Variants in OR5B3 observed in about 807,000 individuals in gnomAD.
The protein encoded by OR5B3 is olfactory receptor 5B3.
For synonymous variants in OR5B3, 150 were observed against 135.0 expected (o/e 1.11, Z -0.77); for missense variants, 430 against 375.4 (o/e 1.15, Z -1.20).
At chr11:58,404,429 A>T (rs1855075522) in intron 1 of OR5B3, among the ~76,000 whole-genome samples, 1 of 123,648 alleles carries the variant, frequency 8.1e-6, no homozygotes, top group Non-Finnish European at 1.8e-5. Flanking sequence ...TTATTATTAG[A>T]TAGGTGATAA....
chr11:58,402,731 G>C lies in OR5B3; in HGVS notation c.679C>G (p.His227Asp). The change falls in exon 2 of 2, where the codon CAC (histidine) becomes GAC (aspartate). Residue 227 changes from histidine to aspartate, a missense_variant. Coordinates refer to ENST00000641865, the MANE Select transcript of OR5B3 (RefSeq NM_001005469.2). ...TFIFITILKM[H>D]SASVYQKPLS... is the part of the protein sequence containing the mutation. ...GGCTTCTGGTATACTGAAGCTGAGTGCATCTTTAGGATGGTGATAAAAATG... is the reference window on the plus strand; with the variant it reads ...GGCTTCTGGTATACTGAAGCTGAGTCCATCTTTAGGATGGTGATAAAAATG... The C allele has an allele frequency of 4.3e-6, 7 of 1,613,824 alleles. No homozygotes were observed. Among genetic ancestry groups the C allele is most frequent in the Non-Finnish European group, 5.9e-6 (7 of 1,179,862 alleles).
Position 58,403,329 on chromosome 11 carries a change from TATA to T in OR5B3, c.78_80del (p.Phe26_Ile27delinsLeu). On this transcript the variant is annotated inframe_deletion, in exon 2 of 2. Coordinates refer to ENST00000641865, the MANE Select transcript of OR5B3 (RefSeq NM_001005469.2). ...TGATAATATAGATGAAGGGGAACGT[TATA>T]AAGAGGGGAACCTGCAGTTCTGAGT... 6.2e-7 allele frequency: 1 copy of T among 1,612,736 alleles called. No homozygotes were observed. Among genetic ancestry groups the T allele is most frequent in the African/African-American group, 1.3e-5 (1 of 74,986 alleles).
Position 58,402,632 on chromosome 11 carries a change from G to A in OR5B3, c.778C>T (p.Pro260Ser). The A allele has an allele frequency of 6.2e-7, 1 of 1,613,988 alleles. No homozygotes were observed. The highest frequency in any genetic ancestry group is 8.5e-7 in the Non-Finnish European group (1 of 1,179,942). Residue 260 changes from proline (P) to serine (S), a missense_variant, in exon 2 of 2, where the codon CCC becomes TCC. Coordinates refer to ENST00000641865, the MANE Select transcript of OR5B3 (RefSeq NM_001005469.2). ...YGTIIFMYLQ[P>S]SSSHSMDTDK... ...GTGTCCATGGAGTGACTGGAGCTGG[G>A]TTGTAAGTACATGAAGATAATAGTC...
chr11:58,402,995 A>G lies in OR5B3; in HGVS notation c.415T>C (p.Cys139Arg), dbSNP rs978147492. ...HYTTTMTTTVCARLAIGSYLC... is the reference protein window; with the variant it reads ...HYTTTMTTTVRARLAIGSYLC... ...TAGGAGCCTATGGCCAGACGAGCAC[A>G]CACAGTTGTTGTCATGGTTGTGGTG... The change falls in exon 2 of 2, where the codon TGT (cysteine) becomes CGT (arginine). Residue 139 changes from cysteine to arginine, a missense_variant. Transcript: ENST00000641865. 3.1e-6 allele frequency: 5 copies of G among 1,613,950 alleles called. No individual in the cohort carries two copies. In the African/African-American group the frequency reaches 5.3e-5, roughly 17 times the overall value.
chr11:58,403,032 T>G lies in OR5B3; in HGVS notation c.378A>C (p.Lys126Asn). 1 of 1,613,674 alleles carries G rather than the reference T, an allele frequency of 6.2e-7. No homozygotes were observed. The highest frequency in any genetic ancestry group is 8.5e-7 in the Non-Finnish European group (1 of 1,179,874). ...TCATGGTTGTGGTGTAATGTAGGGGTTTGCACACTGCTGCATAGCGGTCAT... is the reference window on the plus strand; with the variant it reads ...TCATGGTTGTGGTGTAATGTAGGGGGTTGCACACTGCTGCATAGCGGTCAT... ...MAYDRYAAVC[K>N]PLHYTTTMTT... The change falls in exon 2 of 2, where the codon AAA becomes AAC. Residue 126 changes from lysine (K) to asparagine (N), a missense_variant. Physicochemically the swap from Lys to Asn is moderately conservative, Grantham distance 94. Coordinates refer to ENST00000641865, the MANE Select transcript of OR5B3 (RefSeq NM_001005469.2).
At chr11:58,403,497 A>G (rs1253820134) in intron 1 of OR5B3, 62 bp from the exon 2 acceptor site, 2 of 739,916 alleles carry the variant, frequency 2.7e-6, no homozygotes, top group Non-Finnish European at 4.4e-6. Context: ...GAAAAGTATA[A>G]GTACAATATG....
In OR5B3 at chr11:58,406,788, T is replaced by C. The variant is rs1855105697; in HGVS notation, c.-27+13A>G. On this transcript the variant is annotated intron_variant, in intron 1 of 1. Coordinates refer to ENST00000641865, the MANE Select transcript of OR5B3 (RefSeq NM_001005469.2). ...ACTTGTCTCTAAAATGTTTCTTAGA[T>C]ATAGAAGCTTACCTTACAGCTGGAT... 1 of 152,212 alleles carries C rather than the reference T, an allele frequency of 6.6e-6. No homozygotes were observed. Among genetic ancestry groups the C allele is most frequent in the Non-Finnish European group, 1.5e-5 (1 of 68,034 alleles). The allele number at this position is 152,212 out of a possible 1,614,324, so 9.4% of individuals were successfully genotyped here. A position where few individuals can be genotyped will look rare whatever the true frequency, so the allele number is the denominator to read the frequency against.
intron 1 of OR5B3, among the ~76,000 whole-genome samples, chr11:58,405,554 A>C (rs1417575731): frequency 6.6e-6 from 1 of 152,146 alleles, no homozygotes; most frequent in Non-Finnish European, 1.5e-5. Context: ...CGATGAAACC[A>C]CATGGACACA....
At chr11:58,406,451 TG>T (rs1186752115) in intron 1 of OR5B3, among the ~76,000 whole-genome samples, 2 of 152,042 alleles carry the variant, frequency 1.3e-5, no homozygotes, top group Non-Finnish European at 2.9e-5. Context: ...AACACCTTTT[TG>T]TAGTTTAAAG....
rs1227280897 is a variant in OR5B3, at chr11:58,402,469, A to G, written c.941T>C (p.Val314Ala). 1.3e-6 allele frequency: 2 copies of G among 1,584,990 alleles called. No homozygotes were observed. Among genetic ancestry groups the G allele is most frequent in the South Asian group, 1.1e-5 (1 of 90,514 alleles). The part of the protein sequence containing the change: ...EKAKLSVGWS[V>A] Reference sequence around the variant, plus strand: ...GTTATGGTGCATCCCACAATGTTAAACTGACCATCCTACAGACAATTTTGC... The same window carrying G: ...GTTATGGTGCATCCCACAATGTTAAGCTGACCATCCTACAGACAATTTTGC... The change falls in exon 2 of 2, where the codon GTT becomes GCT. Residue 314 changes from valine (V) to alanine (A), a missense_variant. By Grantham distance (64) the Val-to-Ala change is moderately conservative (BLOSUM62 0). Coordinates refer to ENST00000641865, the MANE Select transcript of OR5B3 (RefSeq NM_001005469.2).
At position 58,405,769 on chromosome 11, in the gene OR5B3, T is replaced by C. The variant is rs1401450640; in HGVS notation, c.-27+1032A>G. On this transcript the variant is annotated intron_variant, in intron 1 of 1. Coordinates refer to ENST00000641865, the MANE Select transcript of OR5B3 (RefSeq NM_001005469.2). Reference sequence around the variant, plus strand: ...CCCTGAACTTAAAAGTTGGACTTTTTTTTTAAAAAGACACATGTACCTGTA... The same window carrying C: ...CCCTGAACTTAAAAGTTGGACTTTTCTTTTAAAAAGACACATGTACCTGTA... Among the ~76,000 whole-genome samples, 3 of 152,262 alleles carry C rather than the reference T, an allele frequency of 2.0e-5. No homozygotes were observed. The East Asian group carries it at 5.8e-4, about 29-fold the overall frequency.
Position 58,402,860 on chromosome 11 carries a change from C to A in OR5B3, c.550G>T (p.Val184Phe), listed in dbSNP as rs367618469. 1 of 1,613,950 alleles carries A rather than the reference C, an allele frequency of 6.2e-7. No homozygotes were observed. Among genetic ancestry groups the A allele is most frequent in the East Asian group, 2.2e-5 (1 of 44,880 alleles). ...ATATGTCTATCAGAGCAAGAGAGAA[C>A]CATGACTGCTGGAATATCACAGAAA... ...HFFCDIPAVM[V>F]LSCSDRHISE... The change falls in exon 2 of 2, where the codon GTT (valine) becomes TTT (phenylalanine). Residue 184 changes from valine to phenylalanine, a missense_variant. Val to Phe is a conservative substitution (Grantham distance 50). Transcript: ENST00000641865.
chr11:58,405,335 A>C (rs918562460), intron 1 of OR5B3, among the ~76,000 whole-genome samples: 2 of 152,204 alleles, frequency 1.3e-5, no homozygotes, highest in Non-Finnish European at 2.9e-5. Context: ...AGACAAATAC[A>C]TATGGTCAAC....
chr11:58,406,327 T>C (rs1307233330), intron 1 of OR5B3, among the ~76,000 whole-genome samples: 2 of 152,174 alleles, frequency 1.3e-5, no homozygotes, highest in Non-Finnish European at 2.9e-5. Context: ...CCATCTTCAA[T>C]CTAATCAAAA....
chr11:58,403,475 T>A, intron 1 of OR5B3, 40 bp from the exon 2 acceptor site: 1 of 866,264 alleles, frequency 1.2e-6, no homozygotes, highest in South Asian at 1.8e-5. Context: ...ATAAATAAAT[T>A]GAATTAAAAT....
chr11:58,403,157 T>C lies in OR5B3; in HGVS notation c.253A>G (p.Ile85Val). ...TTGTAAGAGATGACCTTGTCTTCTA[T>C]AAGGAATCCAGCCATGACGATGGGA... ...VTPIVMAGFL[I>V]EDKVISYNAC... is the part of the protein sequence containing the mutation. The change falls in exon 2 of 2, where the codon ATA (isoleucine) becomes GTA (valine). Residue 85 changes from isoleucine (I) to valine (V), a missense_variant. By Grantham distance (29) the Ile-to-Val change is conservative (BLOSUM62 3). Transcript: ENST00000641865. The C allele has an allele frequency of 6.2e-7, 1 of 1,614,072 alleles. No individual in the cohort carries two copies. The highest frequency in any genetic ancestry group is 8.5e-7 in the Non-Finnish European group (1 of 1,179,970).
chr11:58,403,468 A>C lies in OR5B3; in HGVS notation c.-26-33T>G. The C allele has an allele frequency of 3.4e-6, 3 of 890,768 alleles. No homozygotes were observed. In the Admixed American group the frequency reaches 7.0e-5, roughly 21 times the overall value. The allele number at this position is 890,768 out of a possible 1,614,324, so 55.2% of individuals were successfully genotyped here. A position where few individuals can be genotyped will look rare whatever the true frequency, so the allele number is the denominator to read the frequency against. On this transcript the variant is annotated intron_variant, in intron 1 of 1. Coordinates refer to ENST00000641865, the MANE Select transcript of OR5B3 (RefSeq NM_001005469.2). ...CAATACAAAAAAGAACAGTGTGATA[A>C]ATAAATTGAATTAAAATTGAAAAGT...
chr11:58,403,069 G>A lies in OR5B3; in HGVS notation c.341C>T (p.Ala114Val). Residue 114 changes from alanine (A) to valine (V), a missense_variant, in exon 2 of 2, where the codon GCC becomes GTC. By Grantham distance (64) the Ala-to-Val change is moderately conservative (BLOSUM62 0). Transcript: ENST00000641865. ...TGCATAGCGGTCATAGGCCATTGAG[G>A]CCAAGAGGTAATTTTCCACAGTGGC... The part of the protein sequence containing the change: ...AFATVENYLL[A>V]SMAYDRYAAV... The A allele has an allele frequency of 6.2e-7, 1 of 1,614,126 alleles. No individual in the cohort carries two copies. The highest frequency in any genetic ancestry group is 8.5e-7 in the Non-Finnish European group (1 of 1,179,972).
chr11:58,403,176 G>T lies in OR5B3; in HGVS notation c.234C>A (p.Ile78=). The part of the protein sequence containing the change: ...DFCYSSAVTP[I]VMAGFLIEDK... Reference sequence around the variant, plus strand: ...CTTCTATAAGGAATCCAGCCATGACGATGGGAGTGACAGCTGAAGAGTAGC... The same window carrying T: ...CTTCTATAAGGAATCCAGCCATGACTATGGGAGTGACAGCTGAAGAGTAGC... The change falls in exon 2 of 2, where the codon ATC becomes ATA. Residue 78 remains isoleucine (I), a synonymous_variant. Transcript: ENST00000641865. 6.2e-7 allele frequency: 1 copy of T among 1,613,900 alleles called. No individual in the cohort carries two copies. The highest frequency in any genetic ancestry group is 8.5e-7 in the Non-Finnish European group (1 of 1,179,828).
Sources: gnomAD v4.1 joint callset for allele counts (sites outside exome capture counted in the v4.1 genomes callset) on GRCh38, gnomAD v4.1.1 for gene constraint, MANE v1.5 for transcripts, NCBI Gene and HGNC (gene_info 2026-07-23, HGNC 2026-07-21) for gene names.